FAM180A: variants seen among roughly 807,000 people sequenced by gnomAD.
The protein encoded by FAM180A is family with sequence similarity 180 member A, also known as protein FAM180A.
A neutral mutation model predicts 15.3 loss-of-function variants in FAM180A; 14 were observed. That is an observed-to-expected ratio of 0.92 (90% CI 0.61 to 1.43). The LOEUF (loss-of-function observed/expected upper bound fraction) is 1.43, where lower values mean the gene tolerates loss of function less well. Among genes scored for constraint, FAM180A ranks in the 40% most tolerant of loss-of-function variants. FAM180A has a pLI of 0.00. For missense variants in FAM180A, 200 were observed against 220.8 expected (o/e 0.91, Z 0.60); for synonymous variants, 90 against 96.8 (o/e 0.93, Z 0.41).
In FAM180A at chr7:135,730,058, G is replaced by A; in HGVS notation, c.*553C>T. 1 of 985,274 alleles carries A rather than the reference G, an allele frequency of 1.0e-6. No individual in the cohort carries two copies. Among genetic ancestry groups the A allele is most frequent in the Non-Finnish European group, 1.2e-6 (1 of 829,848 alleles). 61.0% of individuals were successfully genotyped at this position (985,274 alleles called of 1,614,324 possible). On this transcript the variant is annotated 3_prime_UTR_variant, in exon 4 of 4. Coordinates refer to ENST00000338588, the MANE Select transcript of FAM180A (RefSeq NM_205855.4). Reference sequence around the variant, plus strand: ...TTGAAATGGATTAGGAAAGTAAGGGGTGTTGTAAAAAGTCATTTAACAAGC... The same window carrying A: ...TTGAAATGGATTAGGAAAGTAAGGGATGTTGTAAAAAGTCATTTAACAAGC...
At chr7:135,730,572 T>C (rs1047376777) in intron 3 of FAM180A, among the ~76,000 whole-genome samples, 2 of 152,082 alleles carry the variant, frequency 1.3e-5, no homozygotes, top group African/African-American at 4.8e-5. Flanking sequence ...AGTTTTTAGA[T>C]CCTAAAATTT....
At position 135,734,071 on chromosome 7, in the gene FAM180A, G is replaced by A. The variant is rs754102381; in HGVS notation, c.426C>T (p.Gly142=). ...YTAYRTALSH[G]HQKDIWAQSL... is the part of the protein sequence containing the mutation. ...ACTGCGCCCAGATGTCCTTCTGATG[G>A]CCGTGGGACAGGGCTGTGCGGTAGG... Residue 142 remains glycine (G), a synonymous_variant, in exon 3 of 4, where the codon GGC becomes GGT. Coordinates refer to ENST00000338588, the MANE Select transcript of FAM180A (RefSeq NM_205855.4). 15 of 1,614,210 alleles carry A rather than the reference G, an allele frequency of 9.3e-6. No homozygotes were observed. Among genetic ancestry groups the A allele is most frequent in the Middle Eastern group, 3.3e-4 (2 of 6,062 alleles).
Position 135,729,997 on chromosome 7 carries a change from C to T in FAM180A, c.*614G>A, listed in dbSNP as rs573463700. On this transcript the variant is annotated 3_prime_UTR_variant, in exon 4 of 4. Transcript: ENST00000338588. Reference sequence around the variant, plus strand: ...AAAATGGTTAAGATGGTACATTTTACCTGATGTGTTTTTTACCACAATAAA... The same window carrying T: ...AAAATGGTTAAGATGGTACATTTTATCTGATGTGTTTTTTACCACAATAAA... 331 of 966,146 alleles carry T rather than the reference C, an allele frequency of 3.4e-4. No homozygotes were observed. The Middle Eastern group carries it at 9.6e-3, about 28-fold the overall frequency. 59.8% of individuals were successfully genotyped at this position (966,146 alleles called of 1,614,324 possible).
rs765917397 is a variant in FAM180A, at chr7:135,733,970, G to C, written c.*5C>G. 5 of 1,585,296 alleles carry C rather than the reference G, an allele frequency of 3.2e-6. No homozygotes were observed. The highest frequency in any genetic ancestry group is 3.4e-6 in the Non-Finnish European group (4 of 1,164,716). On this transcript the variant is annotated 3_prime_UTR_variant, in exon 3 of 4. Transcript: ENST00000338588. ...TGCTCTGAGGTCCTGGTGTGGGCCA[G>C]TCTCTCAGGGAGGTACTCCCGGCTG...
chr7:135,736,989 G>T, intron 2 of FAM180A, 110 bp downstream of exon 2: 1 of 801,206 alleles, frequency 1.2e-6, no homozygotes, highest in Non-Finnish European at 2.1e-6. Context: ...ACCACAGCAG[G>T]GGTCACTCAT....
In FAM180A at chr7:135,740,969, CAAAACA is replaced by C. The variant is rs1389415048; in HGVS notation, c.77-3776_77-3771del. On this transcript the variant is annotated intron_variant, in intron 1 of 3. Transcript: ENST00000338588. ...TCCCTTAAAAAAAAACAAAACAAAA[CAAAACA>C]AAAAAAAAAACCTCAGTCCCAGCAG... is the stretch of plus-strand genomic sequence containing the variant. Among the ~76,000 whole-genome samples, 7 of 32,598 alleles carry C rather than the reference CAAAACA, an allele frequency of 2.1e-4. No homozygotes were observed. The East Asian group carries it at 5.9e-3, about 28-fold the overall frequency. 21.4% of individuals were successfully genotyped at this position (32,598 alleles called of 152,430 possible). A position where few individuals can be genotyped will look rare whatever the true frequency, so the allele number is the denominator to read the frequency against.
intron 1 of FAM180A, among the ~76,000 whole-genome samples, chr7:135,746,973 A>C (rs1449117081): frequency 6.6e-6 from 1 of 152,056 alleles, no homozygotes; most frequent in East Asian, 1.9e-4. Flanking sequence ...GGTGGTGCGC[A>C]CCTGTAACTC....
Position 135,733,669 on chromosome 7 carries a change from G to T in FAM180A, c.*306C>A, listed in dbSNP as rs1417656240. 3 of 1,131,264 alleles carry T rather than the reference G, an allele frequency of 2.7e-6. No individual in the cohort carries two copies. The East Asian group carries it at 1.6e-4, about 60-fold the overall frequency. 70.1% of individuals were successfully genotyped at this position (1,131,264 alleles called of 1,614,324 possible). ...GCCTGTTCTCACTCTTGAGTGTGTG[G>T]CCACTGCTCTGGGTTGAAGCATATC... On this transcript the variant is annotated 3_prime_UTR_variant, in exon 3 of 4. Coordinates refer to ENST00000338588, the MANE Select transcript of FAM180A (RefSeq NM_205855.4).
In FAM180A at chr7:135,734,198, C is replaced by T. The variant is rs762040303; in HGVS notation, c.299G>A (p.Ser100Asn). Residue 100 changes from serine to asparagine, a missense_variant, in exon 3 of 4, where the codon AGC (serine) becomes AAC (asparagine). By Grantham distance (46) the Ser-to-Asn change is conservative. Transcript: ENST00000338588. ...GCTGAGCCGGCGGATGTCTGGGATG[C>T]TCTTGGGGATGACGTTGTTGCAGAC... Reference protein sequence around the residue: ...RTVCNNVIPKSIPDIRRLSAS... With the variant: ...RTVCNNVIPKNIPDIRRLSAS... The T allele has an allele frequency of 1.9e-6, 3 of 1,614,218 alleles. No homozygotes were observed. Among genetic ancestry groups the T allele is most frequent in the South Asian group, 2.2e-5 (2 of 91,084 alleles).
At chr7:135,734,436 A>G in intron 2 of FAM180A, 117 bp from the exon 3 acceptor site, 1 of 911,160 alleles carries the variant, frequency 1.1e-6, no homozygotes, top group Non-Finnish European at 1.6e-6. Context: ...TTGGAACTCA[A>G]GAGAGTTCCA....
chr7:135,734,121 T>C lies in FAM180A; in HGVS notation c.376A>G (p.Thr126Ala), dbSNP rs1049979191. The C allele has an allele frequency of 6.2e-7, 1 of 1,614,098 alleles. No homozygotes were observed. Among genetic ancestry groups the C allele is most frequent in the East Asian group, 2.2e-5 (1 of 44,892 alleles). Residue 126 changes from threonine (T) to alanine (A), a missense_variant, in exon 3 of 4, where the codon ACA (threonine) becomes GCA (alanine). Coordinates refer to ENST00000338588, the MANE Select transcript of FAM180A (RefSeq NM_205855.4). ...GCTGTGTAGGCCAGGGTCAGCACTGTCCTTTCAAAGTCTTCTTTCTTGAGG... is the reference window on the plus strand; with the variant it reads ...GCTGTGTAGGCCAGGGTCAGCACTGCCCTTTCAAAGTCTTCTTTCTTGAGG... The part of the protein sequence containing the change: ...GILKKEDFER[T>A]VLTLAYTAYR...
chr7:135,743,877 T>C (rs1796991356), intron 1 of FAM180A, among the ~76,000 whole-genome samples: 1 of 152,176 alleles, frequency 6.6e-6, no homozygotes, highest in African/African-American at 2.4e-5. Flanking sequence ...GCTCTATTCT[T>C]TTCAAATAGA....
chr7:135,748,449 G>T, intron 1 of FAM180A, 56 bp downstream of exon 1: 1 of 1,424,652 alleles, frequency 7.0e-7, no homozygotes, highest in Non-Finnish European at 9.9e-7. Flanking sequence ...ATTTTGAATT[G>T]CATTGAAGAA....
At chr7:135,741,825 A>G (rs1300316089) in intron 1 of FAM180A, among the ~76,000 whole-genome samples, 1 of 151,466 alleles carries the variant, frequency 6.6e-6, no homozygotes, top group South Asian at 2.1e-4. Flanking sequence ...CCTGTCTCAA[A>G]AAAAAAAAAA....
chr7:135,736,778 C>T (rs956472871), intron 2 of FAM180A, among the ~76,000 whole-genome samples: 1 of 152,180 alleles, frequency 6.6e-6, no homozygotes, highest in Admixed American at 6.5e-5. Context: ...TGCCTCAAGG[C>T]CTTTGCTTGG....
rs1448346557 is a variant in FAM180A, at chr7:135,748,796, C to T, written c.-216G>A. ...TCGGTACCTCTCTTCATTTGACGCT[C>T]TCTGGGATTGGGGAACTGGCCTTCC... On this transcript the variant is annotated 5_prime_UTR_variant, in exon 1 of 4. Transcript: ENST00000338588. The T allele has an allele frequency of 1.8e-6, 1 of 557,148 alleles. No homozygotes were observed. The allele number at this position is 557,148 out of a possible 1,614,324, so 34.5% of individuals were successfully genotyped here.
chr7:135,748,554 C>T lies in FAM180A; in HGVS notation c.27G>A (p.Leu9=), dbSNP rs143739653. 3.1e-4 allele frequency: 503 copies of T among 1,614,040 alleles called. No individual in the cohort carries two copies. Among genetic ancestry groups the T allele is most frequent in the Non-Finnish European group, 3.9e-4 (460 of 1,179,996 alleles). The change falls in exon 1 of 4, where the codon CTG becomes CTA. Residue 9 remains leucine, a synonymous_variant. Transcript: ENST00000338588. ...AAGCCTCAGCATTGTAATACAACAG[C>T]AGAAGCAGCAACATCTTCCAATGCA... The part of the protein sequence containing the change: MHWKMLLL[L]LLYYNAEASM...
In FAM180A at chr7:135,734,338, G is replaced by A. The variant is rs1796841293; in HGVS notation, c.178-19C>T. On this transcript the variant is annotated intron_variant, in intron 2 of 3. Transcript: ENST00000338588. ...GCAGGAACTGGTGAGAAATGTGGAT[G>A]TGCAAAAATATGAAGTGAGGCATTG... 6.4e-7 allele frequency: 1 copy of A among 1,564,964 alleles called. No homozygotes were observed. Among genetic ancestry groups the A allele is most frequent in the South Asian group, 1.2e-5 (1 of 83,094 alleles).
chr7:135,737,407 T>C (rs778898240), intron 1 of FAM180A, among the ~76,000 whole-genome samples: 1 of 144,002 alleles, frequency 6.9e-6, no homozygotes, highest in Non-Finnish European at 1.5e-5. Context: ...GCCAACATGG[T>C]GCAACCCCAT....
Sources: gnomAD v4.1 joint callset for allele counts (sites outside exome capture counted in the v4.1 genomes callset) on GRCh38, gnomAD v4.1.1 for gene constraint, MANE v1.5 for transcripts, NCBI Gene and HGNC (gene_info 2026-07-23, HGNC 2026-07-21) for gene names.